The following MEOX2 variants were observed in gnomAD, a reference collection of about 807,000 sequenced individuals.
MEOX2 encodes the protein homeobox protein MOX-2.
In MEOX2, 11 loss-of-function variants were observed where a neutral mutation model predicts 27.0. The ratio of observed to expected loss-of-function variants is 0.41; its 90% CI spans 0.26 to 0.68. MEOX2 has a LOEUF of 0.68. Among genes scored for constraint, MEOX2 ranks in the 30% least tolerant of loss-of-function variants. MEOX2 has a pLI of 0.33. For synonymous variants in MEOX2, 189 were observed against 155.4 expected (o/e 1.22, Z -1.61); for missense variants, 436 against 385.4 (o/e 1.13, Z -1.10).
At chr7:15,612,656 T>C in intron 2 of MEOX2, 45 bp from the exon 3 acceptor site, 2 of 1,558,450 alleles carry the variant, frequency 1.3e-6, no homozygotes, top group African/African-American at 1.4e-5. Context: ...AAAGAGATAA[T>C]TAAAGTGACA....
In MEOX2 at chr7:15,686,056, C is replaced by T. The variant is rs746797445; in HGVS notation, c.347G>A (p.Gly116Glu). The change falls in exon 1 of 3, where the codon GGG (glycine) becomes GAG (glutamate). Residue 116 changes from glycine (G) to glutamate (E), a missense_variant. By Grantham distance (98) the Gly-to-Glu change is moderately conservative. Coordinates refer to ENST00000262041, the MANE Select transcript of MEOX2 (RefSeq NM_005924.5). The stretch of plus-strand genomic sequence containing the variant: ...CGGGCTGCTCCCCAACTCTGGGGGC[C>T]CTCCAGAGTCGGGCTGGAGGCAGAG... The part of the protein sequence containing the change: ...HSLCLQPDSG[G>E]PPELGSSPPV... The T allele has an allele frequency of 1.2e-6, 2 of 1,601,518 alleles. No individual in the cohort carries two copies. Among genetic ancestry groups the T allele is most frequent in the African/African-American group, 2.7e-5 (2 of 74,568 alleles).
At chr7:15,638,515 C>G (rs1483893891) in intron 1 of MEOX2, among the ~76,000 whole-genome samples, 4 of 152,004 alleles carry the variant, frequency 2.6e-5, no homozygotes, top group South Asian at 2.1e-4. Flanking sequence ...TTTTTAGGTT[C>G]AGAGGCGTAC....
intron 2 of MEOX2, among the ~76,000 whole-genome samples, chr7:15,624,880 G>A (rs972775287): frequency 2.0e-5 from 3 of 152,120 alleles, no homozygotes; most frequent in Admixed American, 1.3e-4. Context: ...TATAATTCTT[G>A]CATGTAATTC....
intron 1 of MEOX2, among the ~76,000 whole-genome samples, chr7:15,639,866 T>C (rs972298899): frequency 5.9e-5 from 9 of 152,186 alleles, no homozygotes; most frequent in African/African-American, 2.2e-4. Flanking sequence ...ACTAAAGCCT[T>C]CTAGTACCCT....
Position 15,629,359 on chromosome 7 carries a change from C to T in MEOX2, c.518-2441G>A, listed in dbSNP as rs556377920. ...AATATACAACAGGAGGTTTATACAG[C>T]CAGTGACTGGATTTAAGCTAAAATC... On this transcript the variant is annotated intron_variant, in intron 1 of 2. Coordinates refer to ENST00000262041, the MANE Select transcript of MEOX2 (RefSeq NM_005924.5). Among the ~76,000 whole-genome samples the T allele has an allele frequency of 3.3e-3, 503 of 152,044 alleles. 3 individuals carry two copies. Among genetic ancestry groups the T allele is most frequent in the African/African-American group, 0.012 (483 of 41,492 alleles).
intron 1 of MEOX2, among the ~76,000 whole-genome samples, chr7:15,675,317 A>T (rs1465872312): frequency 2.0e-5 from 3 of 152,232 alleles, no homozygotes; most frequent in African/African-American, 7.2e-5. Flanking sequence ...TTACATTCAT[A>T]AAACAAAGCT....
At chr7:15,622,618 T>C (rs1440966595) in intron 2 of MEOX2, among the ~76,000 whole-genome samples, 3 of 152,200 alleles carry the variant, frequency 2.0e-5, no homozygotes, top group African/African-American at 4.8e-5. Context: ...TATAATTAGA[T>C]ATTTTACATG....
At chr7:15,645,640 T>C (rs967048572) in intron 1 of MEOX2, among the ~76,000 whole-genome samples, 2 of 152,190 alleles carry the variant, frequency 1.3e-5, no homozygotes, top group Non-Finnish European at 2.9e-5. Context: ...TTGGTAGTTA[T>C]TGAGTACCTG....
At chr7:15,619,038 G>A (rs5015944) in intron 2 of MEOX2, among the ~76,000 whole-genome samples, 101,964 of 151,588 alleles carry the variant, frequency 0.67, 34,518 homozygotes, top group East Asian at 0.81. Flanking sequence ...TTGGTACAAA[G>A]TCGTTTATAG....
chr7:15,621,297 T>G (rs1781219871), intron 2 of MEOX2, among the ~76,000 whole-genome samples: 1 of 152,252 alleles, frequency 6.6e-6, no homozygotes, highest in African/African-American at 2.4e-5. Flanking sequence ...ATTAAAATAT[T>G]TGAAGCTCAG....
intron 1 of MEOX2, among the ~76,000 whole-genome samples, chr7:15,631,017 G>T (rs2237496): frequency 0.65 from 98,228 of 151,686 alleles, 32,062 homozygotes; most frequent in East Asian, 0.81. Flanking sequence ...TGAATGTGTC[G>T]ATTATACACT....
At chr7:15,638,833 T>C (rs923601458) in intron 1 of MEOX2, among the ~76,000 whole-genome samples, 1 of 152,152 alleles carries the variant, frequency 6.6e-6, no homozygotes, top group Non-Finnish European at 1.5e-5. Context: ...TATGGCTCCA[T>C]AATATTCCAT....
intron 1 of MEOX2, among the ~76,000 whole-genome samples, chr7:15,656,458 C>A (rs531046641): frequency 4.0e-5 from 6 of 149,340 alleles, no homozygotes; most frequent in African/African-American, 1.5e-4. Context: ...TCCTGCCATT[C>A]CCTTGGTTAA....
chr7:15,626,670 AT>A, intron 2 of MEOX2, 75 bp downstream of exon 2: 1 of 1,065,612 alleles, frequency 9.4e-7, no homozygotes, highest in Middle Eastern at 2.2e-4. Context: ...GGATCTAGGT[AT>A]TTCAAATATG....
At chr7:15,656,425 T>A (rs1346318404) in intron 1 of MEOX2, among the ~76,000 whole-genome samples, 1 of 151,476 alleles carries the variant, frequency 6.6e-6, no homozygotes, top group African/African-American at 2.4e-5. Context: ...TTCCTTGGTT[T>A]TTCATGTTTT....
intron 1 of MEOX2, chr7:15,681,947 C>T (rs567963158): frequency 6.6e-6 from 1 of 151,790 alleles, no homozygotes; most frequent in African/African-American, 2.4e-5. Flanking sequence ...CCATTCATTG[C>T]TAATGTTCAA....
rs751112197 is a variant in MEOX2, at chr7:15,686,322, G to A, written c.81C>T (p.Leu27=). The A allele has an allele frequency of 1.4e-5, 22 of 1,606,872 alleles. No individual in the cohort carries two copies. Among genetic ancestry groups the A allele is most frequent in the Non-Finnish European group, 1.8e-5 (21 of 1,176,366 alleles). The part of the protein sequence containing the change: ...QGLHPFSQSS[L]ALHGRSDHMS... ...TATGGTCAGATCTTCCATGGAGGGCGAGAGAGGATTGGGAGAACGGGTGCA... is the reference window on the plus strand; with the variant it reads ...TATGGTCAGATCTTCCATGGAGGGCAAGAGAGGATTGGGAGAACGGGTGCA... Residue 27 remains leucine, a synonymous_variant, in exon 1 of 3, where the codon CTC becomes CTT. Transcript: ENST00000262041.
chr7:15,662,756 A>G (rs1554295807), intron 1 of MEOX2, among the ~76,000 whole-genome samples: 1 of 152,024 alleles, frequency 6.6e-6, no homozygotes, highest in East Asian at 1.9e-4. Context: ...ATTTTTGGTA[A>G]TTTATTTGTA....
rs143997790 is a variant in MEOX2, at chr7:15,685,117, C to G, written c.517+769G>C. The stretch of plus-strand genomic sequence containing the variant: ...CAGTATTTGTCTCTACTAATACCCA[C>G]TTGGTAGAGGGATTTATTTTCCACT... On this transcript the variant is annotated intron_variant, in intron 1 of 2. Transcript: ENST00000262041. 3.0e-3 allele frequency among the ~76,000 whole-genome samples: 462 copies of G among 152,336 alleles called. 1 individual carries two copies. Among genetic ancestry groups the G allele is most frequent in the Non-Finnish European group, 5.6e-3 (381 of 68,034 alleles).
Sources: gnomAD v4.1 joint callset for allele counts (sites outside exome capture counted in the v4.1 genomes callset) on GRCh38, gnomAD v4.1.1 for gene constraint, MANE v1.5 for transcripts, NCBI Gene and HGNC (gene_info 2026-07-23, HGNC 2026-07-21) for gene names.